The following MMP16 variants were observed in gnomAD, a reference collection of about 807,000 sequenced individuals.
MMP16 encodes matrix metalloproteinase-16.
In MMP16, 12 loss-of-function variants were observed where a neutral mutation model predicts 67.8. That is an observed-to-expected ratio of 0.18 (90% CI 0.11 to 0.29). The LOEUF is 0.29. Ranked by LOEUF, MMP16 falls within the 10% of genes least tolerant of loss-of-function variation. The pLI is 1.00. For synonymous variants in MMP16, 249 were observed against 255.9 expected, an observed-to-expected ratio of 0.97 and a Z score of 0.26; for missense variants, 475 against 765.7, an observed-to-expected ratio of 0.62 and a Z score of 4.48.
intron 1 of MMP16, among the ~76,000 whole-genome samples, chr8:88,301,212 T>C (rs1475057508): frequency 6.6e-6 from 1 of 152,190 alleles, no homozygotes; most frequent in African/African-American, 2.4e-5. Flanking sequence ...AGTCTTCCAG[T>C]GATAACATGC....
At chr8:88,129,120 C>T (rs1807985316) in intron 4 of MMP16, among the ~76,000 whole-genome samples, 1 of 151,686 alleles carries the variant, frequency 6.6e-6, no homozygotes, top group African/African-American at 2.4e-5. Flanking sequence ...ACCCATGTAA[C>T]ATGATTCTCT....
In MMP16 at chr8:88,286,825, C is replaced by T. The variant is rs56963207; in HGVS notation, c.132+40250G>A. On this transcript the variant is annotated intron_variant, in intron 1 of 9. Coordinates refer to ENST00000286614, the MANE Select transcript of MMP16 (RefSeq NM_005941.5). ...TGACCTCGTGATCTGCCCACCTCAG[C>T]CTCCCAAAGTGCTGGGATTACAGGC... is the stretch of plus-strand genomic sequence containing the variant. 5.8e-3 allele frequency among the ~76,000 whole-genome samples: 884 copies of T among 152,260 alleles called. 7 individuals carry two copies. Among genetic ancestry groups the T allele is most frequent in the African/African-American group, 0.02 (827 of 41,538 alleles).
chr8:88,264,923 G>A (rs1432547657), intron 1 of MMP16, among the ~76,000 whole-genome samples: 1 of 152,228 alleles, frequency 6.6e-6, no homozygotes, highest in Non-Finnish European at 1.5e-5. Context: ...ACTAGGACAA[G>A]ACGACTAGTG....
At chr8:88,185,133 G>A (rs1809053243) in intron 3 of MMP16, among the ~76,000 whole-genome samples, 1 of 152,174 alleles carries the variant, frequency 6.6e-6, no homozygotes, top group Middle Eastern at 3.4e-3. Flanking sequence ...TGCTGTGTGA[G>A]AAGACAGCAT....
chr8:88,313,810 G>A (rs947451207), intron 1 of MMP16, among the ~76,000 whole-genome samples: 1 of 152,098 alleles, frequency 6.6e-6, no homozygotes, highest in Non-Finnish European at 1.5e-5. Context: ...AGGCAAGGAG[G>A]AGCAAGTCAC....
chr8:88,122,353 T>C (rs914382159), intron 4 of MMP16, among the ~76,000 whole-genome samples: 1 of 151,992 alleles, frequency 6.6e-6, no homozygotes, highest in African/African-American at 2.4e-5. Flanking sequence ...ATCTCCTCCA[T>C]GAAGCCTTCT....
chr8:88,183,322 G>A (rs2129744128), intron 3 of MMP16, among the ~76,000 whole-genome samples: 1 of 152,066 alleles, frequency 6.6e-6, no homozygotes. Flanking sequence ...TAGAGGAGAG[G>A]GTATGCAGTA....
At chr8:88,153,913 A>G (rs1380918686) in intron 4 of MMP16, among the ~76,000 whole-genome samples, 2 of 151,454 alleles carry the variant, frequency 1.3e-5, no homozygotes, top group Admixed American at 1.3e-4. Context: ...AGAAACTACC[A>G]TCAGAGTGAA....
chr8:88,212,635 T>C (rs1809530090), intron 1 of MMP16, among the ~76,000 whole-genome samples: 1 of 152,140 alleles, frequency 6.6e-6, no homozygotes, highest in Non-Finnish European at 1.5e-5. Flanking sequence ...CTGATTACCA[T>C]CTCATGAGCC....
chr8:88,049,493 A>C (rs994210429), intron 8 of MMP16, among the ~76,000 whole-genome samples: 1 of 152,136 alleles, frequency 6.6e-6, no homozygotes, highest in Non-Finnish European at 1.5e-5. Flanking sequence ...TCCACACTTG[A>C]GCAAACAAAG....
intron 1 of MMP16, among the ~76,000 whole-genome samples, chr8:88,319,535 AC>A (rs1811426425): frequency 6.6e-6 from 1 of 152,064 alleles, no homozygotes; most frequent in Non-Finnish European, 1.5e-5. Context: ...TAAAATAAAA[AC>A]AAATTTCTAA....
At chr8:88,187,706 CATA>C (rs1417649466) in intron 2 of MMP16, among the ~76,000 whole-genome samples, 4 of 152,130 alleles carry the variant, frequency 2.6e-5, no homozygotes, top group Non-Finnish European at 4.4e-5. Flanking sequence ...CTTTTACAAA[CATA>C]ATAACTTCCT....
chr8:88,185,003 C>G (rs1563556485), intron 3 of MMP16, among the ~76,000 whole-genome samples: 1 of 152,016 alleles, frequency 6.6e-6, no homozygotes, highest in Non-Finnish European at 1.5e-5. Context: ...ATCTTGTGAG[C>G]AAATTTAAAT....
intron 6 of MMP16, among the ~76,000 whole-genome samples, chr8:88,087,094 T>A (rs900222040): frequency 1.4e-4 from 22 of 151,822 alleles, no homozygotes; most frequent in African/African-American, 4.9e-4. Flanking sequence ...TCCCAGAAAC[T>A]CTTTCTTAGG....
chr8:88,062,370 T>C (rs912193764), intron 7 of MMP16, among the ~76,000 whole-genome samples: 1 of 152,072 alleles, frequency 6.6e-6, no homozygotes, highest in East Asian at 1.9e-4. Context: ...ATGTTTATTG[T>C]GGCACTATTC....
intron 1 of MMP16, among the ~76,000 whole-genome samples, chr8:88,318,315 C>A (rs1208177749): frequency 2.0e-5 from 3 of 152,062 alleles, no homozygotes; most frequent in Admixed American, 2.0e-4. Flanking sequence ...CATGGATTAC[C>A]AATTATCTAA....
At chr8:88,087,224 G>A (rs576011637) in intron 6 of MMP16, among the ~76,000 whole-genome samples, 7 of 151,954 alleles carry the variant, frequency 4.6e-5, no homozygotes, top group Non-Finnish European at 1.0e-4. Flanking sequence ...GCTGGCCAAT[G>A]TGCCAGTCAT....
intron 6 of MMP16, among the ~76,000 whole-genome samples, chr8:88,115,186 C>T (rs1809407674): frequency 6.6e-6 from 1 of 152,032 alleles, no homozygotes; most frequent in African/African-American, 2.4e-5. Flanking sequence ...TGAAATTCTG[C>T]CAACCCTTCA....
chr8:88,068,536 T>C (rs916215088), intron 7 of MMP16, among the ~76,000 whole-genome samples: 4 of 152,120 alleles, frequency 2.6e-5, no homozygotes, highest in Admixed American at 2.6e-4. Flanking sequence ...GCCTTTACAT[T>C]TAGGTTAGGA....
Sources: allele counts gnomAD v4.1 joint callset (sites outside exome capture counted in the v4.1 genomes callset), GRCh38; gene constraint gnomAD v4.1.1; transcripts MANE v1.5; gene names NCBI Gene and HGNC (gene_info 2026-07-23, HGNC 2026-07-21).